PPP6R3: variants seen among roughly 807,000 people sequenced by gnomAD.
PPP6R3 encodes serine/threonine-protein phosphatase 6 regulatory subunit 3.
PPP6R3 carries 38 observed loss-of-function variants against 110.7 expected under a neutral mutation model. That is an observed-to-expected ratio of 0.34 (90% confidence interval 0.26 to 0.45). The LOEUF (loss-of-function observed/expected upper bound fraction) is 0.45. Ranked by LOEUF, PPP6R3 falls within the 20% of genes least tolerant of loss-of-function variation. PPP6R3 has a pLI of 1.00. For missense variants in PPP6R3, 870 were observed against 1,062.4 expected (o/e 0.82, Z 2.52); for synonymous variants, 369 against 373.5 (o/e 0.99, Z 0.14).
At chr11:68,604,621 A>G (rs945425242) in intron 22 of PPP6R3, among the ~76,000 whole-genome samples, 2 of 152,242 alleles carry the variant, frequency 1.3e-5, no homozygotes, top group South Asian at 2.1e-4. Context: ...AAAAATTCCA[A>G]TGGAATCTGT....
Position 68,588,157 on chromosome 11 carries a change from T to A in PPP6R3, c.1730+133T>A, listed in dbSNP as rs145699699. ...GAACCTGCTCTTTCCACGGTGTTCC[T>A]CTAGTTCCAGCAGATTGGCCCTGGG... On this transcript the variant is annotated intron_variant, in intron 16 of 23. Transcript: ENST00000393800. 5.4e-3 allele frequency: 4,285 copies of A among 794,474 alleles called. 23 individuals carry two copies. The highest frequency in any genetic ancestry group is 0.012 in the Middle Eastern group (37 of 3,066). The allele number at this position is 794,474 out of a possible 1,614,324, so 49.2% of individuals were successfully genotyped here. A position where few individuals can be genotyped will look rare whatever the true frequency, so the allele number is the denominator to read the frequency against.
At position 68,615,189 on chromosome 11, in the gene PPP6R3, G is replaced by A. The variant is rs943993232; in HGVS notation, c.*2072G>A. The A allele has an allele frequency of 9.2e-6, 4 of 433,906 alleles. No homozygotes were observed. Among genetic ancestry groups the A allele is most frequent in the Non-Finnish European group, 1.9e-5 (4 of 214,632 alleles). 26.9% of individuals were successfully genotyped at this position (433,906 alleles called of 1,614,324 possible). A position where few individuals can be genotyped will look rare whatever the true frequency, so the allele number is the denominator to read the frequency against. On this transcript the variant is annotated 3_prime_UTR_variant, in exon 24 of 24. Transcript: ENST00000393800. ...TTGGAGGTTGGAGGGGCCAAGCCAA[G>A]GACAGGAGCAAGTGTGCCCTCATTT...
rs2099153503 is a variant in PPP6R3 at position 68,519,528 on chromosome 11, C to T, written c.-130C>T. ...GAGCTTGTTTCATATCCATATCCCA[C>T]TGTATTCCTGCTAATCTGCTAATGC... On this transcript the variant is annotated 5_prime_UTR_variant, in exon 2 of 24. Transcript: ENST00000393800. The T allele has an allele frequency of 2.5e-6, 1 of 398,258 alleles. No homozygotes were observed. The highest frequency in any genetic ancestry group is 1.3e-4 in the South Asian group (1 of 7,858). The allele number at this position is 398,258 out of a possible 1,614,324, so 24.7% of individuals were successfully genotyped here.
At chr11:68,548,034 A>C in intron 4 of PPP6R3, 33 bp from the exon 5 acceptor site, 1 of 1,595,430 alleles carries the variant, frequency 6.3e-7, no homozygotes, top group Non-Finnish European at 8.5e-7. Flanking sequence ...TCCAAGTTAC[A>C]TGTCTTTCAG....
intron 8 of PPP6R3, 104 bp from the exon 9 acceptor site, chr11:68,564,199 C>T (rs1205154327): frequency 8.3e-7 from 1 of 1,208,018 alleles, no homozygotes; most frequent in African/African-American, 1.5e-5. Flanking sequence ...TTTCCCGCAG[C>T]CAGAAAAGTT....
In PPP6R3 at chr11:68,613,651, A is replaced by G. The variant is rs1384271022; in HGVS notation, c.*534A>G. Reference sequence around the variant, plus strand: ...CTAACTTACAAAAGTGATTTTGAATAAGAAATATTTGGTGTTCTTTTTATA... The same window carrying G: ...CTAACTTACAAAAGTGATTTTGAATGAGAAATATTTGGTGTTCTTTTTATA... On this transcript the variant is annotated 3_prime_UTR_variant, in exon 24 of 24. Coordinates refer to ENST00000393800, the MANE Select transcript of PPP6R3 (RefSeq NM_001164161.2). 3.0e-6 allele frequency: 3 copies of G among 985,314 alleles called. No homozygotes were observed. The highest frequency in any genetic ancestry group is 3.6e-6 in the Non-Finnish European group (3 of 829,550). The allele number at this position is 985,314 out of a possible 1,614,324, so 61.0% of individuals were successfully genotyped here.
chr11:68,615,050 T>C lies in PPP6R3; in HGVS notation c.*1933T>C, dbSNP rs1218529634. The stretch of plus-strand genomic sequence containing the variant: ...CCATCCTACCCAAGGTAACAGTGTC[T>C]TGCTTCATCCCACTGACTGCTGGGA... On this transcript the variant is annotated 3_prime_UTR_variant, in exon 24 of 24. Transcript: ENST00000393800. 6.2e-6 allele frequency: 3 copies of C among 486,434 alleles called. No individual in the cohort carries two copies. The highest frequency in any genetic ancestry group is 1.2e-5 in the Non-Finnish European group (3 of 246,828). The allele number at this position is 486,434 out of a possible 1,614,324, so 30.1% of individuals were successfully genotyped here. A position where few individuals can be genotyped will look rare whatever the true frequency, so the allele number is the denominator to read the frequency against.
intron 19 of PPP6R3, among the ~76,000 whole-genome samples, 153 bp from the exon 20 acceptor site, chr11:68,600,188 G>C (rs1163929255): frequency 2.0e-5 from 3 of 152,228 alleles, no homozygotes; most frequent in African/African-American, 2.4e-5. Context: ...GTGCCCTCCA[G>C]GTGGCTGTGC....
chr11:68,520,409 TTTG>T (rs1417823333), intron 2 of PPP6R3, among the ~76,000 whole-genome samples: 1 of 152,196 alleles, frequency 6.6e-6, no homozygotes, highest in Non-Finnish European at 1.5e-5. Flanking sequence ...TCTTTTTCTT[TTTG>T]TTACCACGGC....
chr11:68,612,547 G>A (rs916601960), intron 23 of PPP6R3, among the ~76,000 whole-genome samples: 10 of 151,408 alleles, frequency 6.6e-5, no homozygotes, highest in African/African-American at 2.4e-4. Flanking sequence ...CATTTGCTTT[G>A]TGGGACATGT....
chr11:68,525,543 A>G (rs772108452), intron 2 of PPP6R3, among the ~76,000 whole-genome samples: 5 of 152,222 alleles, frequency 3.3e-5, no homozygotes, highest in African/African-American at 7.2e-5. Context: ...TATTGCTGCT[A>G]GCCTGAAGCT....
chr11:68,471,043 G>T (rs1387574818), intron 1 of PPP6R3, among the ~76,000 whole-genome samples: 4 of 151,988 alleles, frequency 2.6e-5, no homozygotes. Flanking sequence ...AGCACTTTGG[G>T]AGGCTGAGAC....
At chr11:68,567,602 T>G (rs1187097522) in intron 10 of PPP6R3, among the ~76,000 whole-genome samples, 1 of 152,196 alleles carries the variant, frequency 6.6e-6, no homozygotes, top group Non-Finnish European at 1.5e-5. Context: ...GACACAGTTA[T>G]TAGCCTGCTT....
At chr11:68,501,239 CTCTT>C (rs1179070023) in intron 1 of PPP6R3, among the ~76,000 whole-genome samples, 3 of 152,172 alleles carry the variant, frequency 2.0e-5, no homozygotes, top group Non-Finnish European at 4.4e-5. Flanking sequence ...GTTCTCCAGT[CTCTT>C]TCTTTTCTAA....
At chr11:68,597,972 C>T (rs1394892166) in intron 19 of PPP6R3, among the ~76,000 whole-genome samples, 2 of 151,798 alleles carry the variant, frequency 1.3e-5, no homozygotes, top group African/African-American at 4.8e-5. Flanking sequence ...GAGTGAGACT[C>T]CATCTGGGGA....
At chr11:68,473,480 C>T (rs2098806831) in intron 1 of PPP6R3, among the ~76,000 whole-genome samples, 1 of 152,164 alleles carries the variant, frequency 6.6e-6, no homozygotes, top group Non-Finnish European at 1.5e-5. Context: ...ACTTGTTTCC[C>T]TAAGTTCTGT....
intron 1 of PPP6R3, among the ~76,000 whole-genome samples, chr11:68,477,501 A>G (rs2098840796): frequency 6.6e-6 from 1 of 151,694 alleles, no homozygotes; most frequent in African/African-American, 2.4e-5. Context: ...TGGGAGGATC[A>G]ATTGCTTGAG....
intron 7 of PPP6R3, among the ~76,000 whole-genome samples, chr11:68,557,596 G>A (rs966477117): frequency 2.8e-4 from 43 of 152,018 alleles, no homozygotes; most frequent in African/African-American, 8.9e-4. Flanking sequence ...TCAGCTTACC[G>A]CAACCTCTGC....
intron 2 of PPP6R3, among the ~76,000 whole-genome samples, chr11:68,530,853 G>A (rs1461596631): frequency 1.3e-5 from 2 of 152,192 alleles, no homozygotes; most frequent in Non-Finnish European, 2.9e-5. Context: ...CCAAATTTAA[G>A]CATAGTGAGT....
Sources: gnomAD v4.1 joint callset for allele counts (sites outside exome capture counted in the v4.1 genomes callset) on GRCh38, gnomAD v4.1.1 for gene constraint, MANE v1.5 for transcripts, NCBI Gene and HGNC (gene_info 2026-07-23, HGNC 2026-07-21) for gene names.